Variants in C2CD2 observed in about 807,000 individuals in gnomAD.
C2CD2 encodes the protein C2 calcium dependent domain containing 2.
Under a neutral mutation model 74.3 loss-of-function variants are expected in C2CD2, and 43 were observed. The ratio of observed to expected loss-of-function variants is 0.58; its 90% CI spans 0.45 to 0.75. The LOEUF is 0.75. Among genes scored for constraint, C2CD2 ranks in the 30% least tolerant of loss-of-function variants. C2CD2 has a pLI of 0.00. For synonymous variants in C2CD2, 422 were observed against 390.7 expected (o/e 1.08, Z -0.94); for missense variants, 801 against 916.3 (o/e 0.87, Z 1.63).
chr21:41,913,762 GT>G (rs1601573311), intron 6 of C2CD2, among the ~76,000 whole-genome samples: 1 of 152,338 alleles, frequency 6.6e-6, no homozygotes, highest in East Asian at 1.9e-4. Context: ...GAGTCGCGCT[GT>G]AAAGAGGTGC....
At chr21:41,911,067 A>T (rs1252873949) in intron 7 of C2CD2, among the ~76,000 whole-genome samples, 1 of 152,184 alleles carries the variant, frequency 6.6e-6, no homozygotes, top group Non-Finnish European at 1.5e-5. Context: ...ATTTATAGTG[A>T]TTTTTAAAAT....
Position 41,892,500 on chromosome 21 carries a change from T to C in C2CD2, c.1871-3156A>G, listed in dbSNP as rs2064766562. Among the ~76,000 whole-genome samples, 1 of 152,140 alleles carries C rather than the reference T, an allele frequency of 6.6e-6. No homozygotes were observed. Among genetic ancestry groups the C allele is most frequent in the Admixed American group, 6.5e-5 (1 of 15,274 alleles). On this transcript the variant is annotated intron_variant, in intron 13 of 13. Transcript: ENST00000380486. The surrounding 1 kb of genome is among the most constrained non-coding windows in gnomAD (Gnocchi z 4.6). The stretch of plus-strand genomic sequence containing the variant: ...CCACCATGTCTTCCTGTTCAGTCCT[T>C]AGAACCCAGGCAGCAACATGGAGGA...
At chr21:41,935,028 A>C (rs1387547375) in intron 2 of C2CD2, among the ~76,000 whole-genome samples, 1 of 152,154 alleles carries the variant, frequency 6.6e-6, no homozygotes, top group Non-Finnish European at 1.5e-5. Context: ...AGTAGCTGGG[A>C]TTACAGGCGT....
chr21:41,914,534 C>A (rs751290674), intron 6 of C2CD2, 64 bp downstream of exon 6: 54 of 1,494,234 alleles, frequency 3.6e-5, no homozygotes, highest in Non-Finnish European at 4.7e-5. Context: ...CCCCCCGGAG[C>A]CCCCGACTCT....
Position 41,888,230 on chromosome 21 carries a change from T to C in C2CD2, c.*894A>G, listed in dbSNP as rs1005365900. The C allele has an allele frequency of 4.6e-5, 7 of 152,566 alleles. No individual in the cohort carries two copies. The highest frequency in any genetic ancestry group is 2.1e-4 in the South Asian group (1 of 4,820). 9.5% of individuals were successfully genotyped at this position (152,566 alleles called of 1,614,324 possible). ...TACTGGCAGCACTTGGCAAAATCCATGTATGTGTTTGGTTACTGTGTTCTA... is the reference window on the plus strand; with the variant it reads ...TACTGGCAGCACTTGGCAAAATCCACGTATGTGTTTGGTTACTGTGTTCTA... On this transcript the variant is annotated 3_prime_UTR_variant, in exon 14 of 14. Coordinates refer to ENST00000380486, the MANE Select transcript of C2CD2 (RefSeq NM_015500.2).
chr21:41,924,258 T>C lies in C2CD2; in HGVS notation c.379-2173A>G, dbSNP rs115053578. 8.9e-3 allele frequency among the ~76,000 whole-genome samples: 1,361 copies of C among 152,316 alleles called. 26 individuals carry two copies. The highest frequency in any genetic ancestry group is 0.031 in the African/African-American group (1,287 of 41,564). On this transcript the variant is annotated intron_variant, in intron 2 of 13. Transcript: ENST00000380486. This position sits in a 1 kb window ranked among gnomAD's most constrained non-coding sequence, Gnocchi z 4.4. ...CGCAGCCAAGCCCTGGGTCCAGCTC[T>C]TCCCACCAGTGGCCCATCCCACTCT...
intron 12 of C2CD2, chr21:41,901,296 A>G: frequency 2.6e-6 from 1 of 379,954 alleles, no homozygotes; most frequent in Non-Finnish European, 4.9e-6. Context: ...CTGGGTGGTG[A>G]CGAGAGCAGA....
chr21:41,893,698 CTTTTT>C (rs60305027), intron 13 of C2CD2, among the ~76,000 whole-genome samples: 4 of 122,088 alleles, frequency 3.3e-5, no homozygotes, highest in African/African-American at 9.2e-5. Flanking sequence ...TGTTAAATTT[CTTTTT>C]TTTTTTTTTT....
At chr21:41,913,137 C>T (rs752036140) in intron 6 of C2CD2, among the ~76,000 whole-genome samples, 2 of 152,238 alleles carry the variant, frequency 1.3e-5, no homozygotes, top group South Asian at 2.1e-4. Context: ...AACATCAGTT[C>T]GTGTTGACTC....
At position 41,892,777 on chromosome 21, in the gene C2CD2, G is replaced by A. The variant is rs968787703; in HGVS notation, c.1871-3433C>T. Among the ~76,000 whole-genome samples the A allele has an allele frequency of 1.8e-4, 28 of 152,260 alleles. 1 individual carries two copies. Among genetic ancestry groups the A allele is most frequent in the African/African-American group, 5.1e-4 (21 of 41,474 alleles). On this transcript the variant is annotated intron_variant, in intron 13 of 13. Coordinates refer to ENST00000380486, the MANE Select transcript of C2CD2 (RefSeq NM_015500.2). The surrounding 1 kb of genome is among the most constrained non-coding windows in gnomAD (Gnocchi z 4.6). ...GCACTCGGAGGCCACAGCCGACAAC[G>A]CAGGAGCAGGCCAGGGCCAAGGACA...
At chr21:41,901,899 G>A in intron 11 of C2CD2, 150 bp from the exon 12 acceptor site, 1 of 690,234 alleles carries the variant, frequency 1.4e-6, no homozygotes, top group Middle Eastern at 3.1e-4. Flanking sequence ...CTTTGTTGGT[G>A]GTCTCTGCAA....
rs768996264 is a variant in C2CD2 at position 41,899,155 on chromosome 21, C to G, written c.1768G>C (p.Ala590Pro). The change falls in exon 13 of 14, where the codon GCC (alanine) becomes CCC (proline). Residue 590 changes from alanine to proline, a missense_variant. Transcript: ENST00000380486. This position sits in a 1 kb window ranked among gnomAD's most constrained non-coding sequence, Gnocchi z 4.4. The part of the protein sequence containing the change: ...DSWDLEKEPQ[A>P]AAWSSQVLLD... ...AGGACCTGGCTGCTCCATGCCGCGG[C>G]CTGTGGCTCCTTCTCCAAGTCCCAG... 7 of 1,613,472 alleles carry G rather than the reference C, an allele frequency of 4.3e-6. No individual in the cohort carries two copies. In the African/African-American group the frequency reaches 9.3e-5, roughly 22 times the overall value.
intron 1 of C2CD2, among the ~76,000 whole-genome samples, chr21:41,948,885 T>TTTTTTTTTTTTTTTTTTTTTTTTTTTG (rs2065425961): frequency 7.8e-6 from 1 of 127,850 alleles, no homozygotes; most frequent in Admixed American, 8.1e-5. Context: ...TTTTTTTTTT[T>TTTTTTTTTTTTTTTTTTTTTTTTTTTG]TTTTTTTCTT....
Position 41,918,119 on chromosome 21 carries a change from C to T in C2CD2, c.706G>A (p.Val236Ile), listed in dbSNP as rs1569070880. 1 of 1,614,154 alleles carries T rather than the reference C, an allele frequency of 6.2e-7. No individual in the cohort carries two copies. ...GATGAGTTTACCTGAGCTTCCTTTA[C>T]AGTCGTGGGCTTGGTAATCAGAACC... ...SVVLITKPTT[V>I]KEAQNLQCAA... The change falls in exon 5 of 14, where the codon GTA becomes ATA. Residue 236 changes from valine (V) to isoleucine (I), a missense_variant. By Grantham distance (29) the Val-to-Ile change is conservative. Transcript: ENST00000380486.
rs937537784 is a variant in C2CD2 at position 41,923,718 on chromosome 21, A to T, written c.379-1633T>A. On this transcript the variant is annotated intron_variant, in intron 2 of 13. Transcript: ENST00000380486. The surrounding 1 kb of genome is among the most constrained non-coding windows in gnomAD (Gnocchi z 5.8). ...TAAATCATAATCATACAGTATTAAG[A>T]GGGGTGCTTTTCACAGCTACCATGG... Among the ~76,000 whole-genome samples the T allele has an allele frequency of 6.6e-6, 1 of 152,212 alleles. No homozygotes were observed. Among genetic ancestry groups the T allele is most frequent in the Non-Finnish European group, 1.5e-5 (1 of 68,034 alleles).
intron 7 of C2CD2, among the ~76,000 whole-genome samples, chr21:41,911,388 C>CTTTTT (rs58934224): frequency 5.1e-5 from 6 of 116,742 alleles, no homozygotes; most frequent in Non-Finnish European, 7.2e-5. Flanking sequence ...TATCTCGATT[C>CTTTTT]TTTTTTTTTT....
intron 1 of C2CD2, among the ~76,000 whole-genome samples, chr21:41,947,705 A>T (rs1451508150): frequency 6.6e-6 from 1 of 152,228 alleles, no homozygotes; most frequent in Non-Finnish European, 1.5e-5. Flanking sequence ...GCATTTTGCT[A>T]AATGTCTCAC....
Position 41,894,516 on chromosome 21 carries a change from A to G in C2CD2, c.1870+4537T>C, listed in dbSNP as rs1216642428. The G allele has an allele frequency of 4.5e-5, 18 of 400,804 alleles. No individual in the cohort carries two copies. The Admixed American group carries it at 4.7e-4, about 10-fold the overall frequency. 24.8% of individuals were successfully genotyped at this position (400,804 alleles called of 1,614,324 possible). On this transcript the variant is annotated intron_variant, in intron 13 of 13. Coordinates refer to ENST00000380486, the MANE Select transcript of C2CD2 (RefSeq NM_015500.2). ...GACAGCGTCTGAGAAGTGGCCAGCC[A>G]GGTGTCTAGAAAAATGGGCAAGTCT...
At position 41,924,843 on chromosome 21, in the gene C2CD2, T is replaced by A. The variant is rs1412861787; in HGVS notation, c.379-2758A>T. On this transcript the variant is annotated intron_variant, in intron 2 of 13. Transcript: ENST00000380486. This position sits in a 1 kb window ranked among gnomAD's most constrained non-coding sequence, Gnocchi z 4.4. ...AACCCGAGCAAGAAAGAATTTCATTTTCTTTCGTATCCAGTTCTGCAGAAA... is the reference window on the plus strand; with the variant it reads ...AACCCGAGCAAGAAAGAATTTCATTATCTTTCGTATCCAGTTCTGCAGAAA... Among the ~76,000 whole-genome samples, 1 of 152,250 alleles carries A rather than the reference T, an allele frequency of 6.6e-6. No homozygotes were observed. Among genetic ancestry groups the A allele is most frequent in the Non-Finnish European group, 1.5e-5 (1 of 68,048 alleles).
Sources: gnomAD v4.1 joint callset for allele counts (sites outside exome capture counted in the v4.1 genomes callset) on GRCh38, gnomAD v4.1.1 for gene constraint, Gnocchi (gnomAD v3.1) non-coding constraint, MANE v1.5 for transcripts, NCBI Gene and HGNC (gene_info 2026-07-23, HGNC 2026-07-21) for gene names.